Variants in TMEM132B observed in about 807,000 individuals in gnomAD.
TMEM132B encodes transmembrane protein 132B.
TMEM132B carries 18 observed loss-of-function variants against 90.8 expected under a neutral mutation model. The ratio of observed to expected loss-of-function variants is 0.20; its 90% CI spans 0.14 to 0.29. The LOEUF (loss-of-function observed/expected upper bound fraction) is 0.29. Among genes scored for constraint, TMEM132B ranks in the 10% least tolerant of loss-of-function variants. The pLI is 1.00. For synonymous variants in TMEM132B, 504 were observed against 523.3 expected, an observed-to-expected ratio of 0.96 and a Z score of 0.50; for missense variants, 1,096 against 1,326.8, an observed-to-expected ratio of 0.83 and a Z score of 2.70.
intron 6 of TMEM132B, among the ~76,000 whole-genome samples, chr12:125,650,127 C>G (rs78224639): frequency 0.028 from 4,238 of 152,134 alleles, 70 homozygotes; most frequent in South Asian, 0.04. Context: ...TAGAACCGTC[C>G]ACTGCTGATG....
chr12:125,584,121 C>A (rs777768499), intron 5 of TMEM132B, 127 bp downstream of exon 5: 3 of 1,406,756 alleles, frequency 2.1e-6, no homozygotes, highest in South Asian at 1.2e-5. Flanking sequence ...AGAATGACCT[C>A]ACGAAGGAGG....
intron 1 of TMEM132B, among the ~76,000 whole-genome samples, chr12:125,320,795 A>T (rs968243978): frequency 6.6e-6 from 1 of 152,208 alleles, no homozygotes; most frequent in Admixed American, 6.5e-5. Flanking sequence ...GACTGTGGGG[A>T]ATATGGAAAG....
intron 2 of TMEM132B, among the ~76,000 whole-genome samples, chr12:125,393,520 A>G (rs557520574): frequency 2.0e-5 from 3 of 152,090 alleles, no homozygotes; most frequent in African/African-American, 7.2e-5. Context: ...TGAAAGATGG[A>G]TAAGATTATC....
At chr12:125,191,234 T>G (rs1593035966) in intron 1 of TMEM132B, among the ~76,000 whole-genome samples, 1 of 125,622 alleles carries the variant, frequency 8.0e-6, no homozygotes, top group Non-Finnish European at 1.7e-5. Flanking sequence ...GTGGTGGTGG[T>G]GATGGTGATG....
At chr12:125,257,914 C>T (rs1426996338) in intron 1 of TMEM132B, among the ~76,000 whole-genome samples, 2 of 152,176 alleles carry the variant, frequency 1.3e-5, no homozygotes, top group African/African-American at 2.4e-5. Context: ...TTGAATTCAG[C>T]CCAGTGTTGC....
chr12:125,252,223 C>T (rs149157298), intron 1 of TMEM132B, among the ~76,000 whole-genome samples: 1,667 of 152,278 alleles, frequency 0.011, 34 homozygotes, highest in African/African-American at 0.037. Flanking sequence ...AGGAAGGGCC[C>T]GGAGGAGGCA....
chr12:125,402,275 C>T (rs1879342605), intron 2 of TMEM132B, among the ~76,000 whole-genome samples: 1 of 152,144 alleles, frequency 6.6e-6, no homozygotes, highest in South Asian at 2.1e-4. Flanking sequence ...CTGCAACCTC[C>T]ACCACCCGGG....
intron 1 of TMEM132B, among the ~76,000 whole-genome samples, chr12:125,219,674 A>G (rs1305990414): frequency 6.6e-6 from 1 of 152,182 alleles, no homozygotes; most frequent in Non-Finnish European, 1.5e-5. Flanking sequence ...AACAATTCCA[A>G]GAGCCCTAGC....
At chr12:125,421,033 C>G (rs1880152235) in intron 3 of TMEM132B, among the ~76,000 whole-genome samples, 1 of 152,212 alleles carries the variant, frequency 6.6e-6, no homozygotes, top group Non-Finnish European at 1.5e-5. Flanking sequence ...CTGAGACCAC[C>G]TTAACTTGGA....
chr12:125,499,866 C>T (rs892412312), intron 3 of TMEM132B, among the ~76,000 whole-genome samples: 4 of 152,340 alleles, frequency 2.6e-5, no homozygotes, highest in East Asian at 1.9e-4. Flanking sequence ...TACTGACGCA[C>T]ACACTATATT....
intron 4 of TMEM132B, among the ~76,000 whole-genome samples, chr12:125,577,913 T>A (rs1297681388): frequency 6.6e-6 from 1 of 152,106 alleles, no homozygotes; most frequent in Non-Finnish European, 1.5e-5. Flanking sequence ...CAGATATTCT[T>A]AATTTCCACC....
At chr12:125,372,127 T>C (rs186245796) in intron 2 of TMEM132B, among the ~76,000 whole-genome samples, 1 of 152,372 alleles carries the variant, frequency 6.6e-6, no homozygotes, top group African/African-American at 2.4e-5. Context: ...CAACATGTGC[T>C]TCTCTTTGGT....
chr12:125,501,789 C>T (rs1345669761), intron 3 of TMEM132B, among the ~76,000 whole-genome samples: 2 of 152,140 alleles, frequency 1.3e-5, no homozygotes, highest in Non-Finnish European at 2.9e-5. Context: ...GACTCTCAGT[C>T]TGGAAAGCAT....
intron 1 of TMEM132B, among the ~76,000 whole-genome samples, chr12:125,292,042 A>ATTT (rs1875555426): frequency 6.6e-6 from 1 of 152,238 alleles, no homozygotes. Flanking sequence ...AGTCTCACTC[A>ATTT]TTTGCCTATG....
In TMEM132B at chr12:125,654,163, T is replaced by A; in HGVS notation, c.2705T>A (p.Leu902Ter). Residue 902 changes from leucine to a stop codon, truncating the protein, a stop_gained, in exon 9 of 9, where the codon TTG becomes TAG. Transcript: ENST00000682704. LOFTEE classifies it high-confidence loss of function. This position sits in a 1 kb window ranked among gnomAD's most constrained non-coding sequence, Gnocchi z 5.8. The stretch of plus-strand genomic sequence containing the variant: ...GTGACCTCAAGGGGGCTAACGGACT[T>A]GGAGATTGGCATGTATGCCTTGCTC... ...LTVTSRGLTDLEIGMYALLCV... is the reference protein window; with the variant it reads ...LTVTSRGLTD 1.2e-6 allele frequency: 2 copies of A among 1,614,224 alleles called. No individual in the cohort carries two copies. The highest frequency in any genetic ancestry group is 1.7e-6 in the Non-Finnish European group (2 of 1,180,050).
At chr12:125,466,815 G>T (rs2136485898) in intron 3 of TMEM132B, among the ~76,000 whole-genome samples, 1 of 152,356 alleles carries the variant, frequency 6.6e-6, no homozygotes, top group Middle Eastern at 3.4e-3. Context: ...CTGTGACAAT[G>T]AGTCATTGAG....
rs980349722 is a variant in TMEM132B, at chr12:125,375,432, C to G, written c.959+25089C>G. Reference sequence around the variant, plus strand: ...GACAGCAAAGAGATACATTTTGTCGCTAAAGGACAAATGTTTTTGGAGTTA... The same window carrying G: ...GACAGCAAAGAGATACATTTTGTCGGTAAAGGACAAATGTTTTTGGAGTTA... On this transcript the variant is annotated intron_variant, in intron 2 of 8. Transcript: ENST00000682704. Among the ~76,000 whole-genome samples the G allele has an allele frequency of 1.3e-4, 20 of 152,266 alleles. 1 individual carries two copies. Among genetic ancestry groups the G allele is most frequent in the African/African-American group, 4.6e-4 (19 of 41,542 alleles).
chr12:125,280,619 G>T (rs1362327338), intron 1 of TMEM132B, among the ~76,000 whole-genome samples: 2 of 152,222 alleles, frequency 1.3e-5, no homozygotes, highest in East Asian at 3.9e-4. Context: ...ATGTCAGGGC[G>T]CTGGGAGCAG....
intron 5 of TMEM132B, among the ~76,000 whole-genome samples, chr12:125,609,250 T>C (rs1269254422): frequency 6.6e-6 from 1 of 152,074 alleles, no homozygotes; most frequent in Non-Finnish European, 1.5e-5. Flanking sequence ...ACCAAAAATG[T>C]GTTTGTTTAT....
Sources: gnomAD v4.1 joint callset for allele counts (sites outside exome capture counted in the v4.1 genomes callset) on GRCh38, gnomAD v4.1.1 for gene constraint, Gnocchi (gnomAD v3.1) non-coding constraint, MANE v1.5 for transcripts, NCBI Gene and HGNC (gene_info 2026-07-23, HGNC 2026-07-21) for gene names.